Variants in HTR7 observed in about 807,000 individuals in gnomAD.
HTR7 encodes 5-HT-7.
A neutral mutation model predicts 34.0 loss-of-function variants in HTR7; 16 were observed. The observed-to-expected ratio is 0.47, with a 90% CI of 0.32 to 0.71. The LOEUF (loss-of-function observed/expected upper bound fraction) is 0.71, where lower values mean the gene tolerates loss of function less well. Among genes scored for constraint, HTR7 ranks in the 30% least tolerant of loss-of-function variants. HTR7 has a pLI of 0.04. For synonymous variants in HTR7, 265 were observed against 260.2 expected (o/e 1.02, Z -0.18); for missense variants, 504 against 625.5 (o/e 0.81, Z 2.07).
chr10:90,791,730 C>T (rs575842453), intron 1 of HTR7, among the ~76,000 whole-genome samples: 13 of 152,172 alleles, frequency 8.5e-5, no homozygotes, highest in African/African-American at 1.7e-4. Flanking sequence ...CACTTGGATA[C>T]GATTACAATT....
At chr10:90,756,232 T>C (rs1390854091) in intron 1 of HTR7, among the ~76,000 whole-genome samples, 3 of 152,224 alleles carry the variant, frequency 2.0e-5, no homozygotes, top group South Asian at 2.1e-4. Flanking sequence ...GGAGGAAAGC[T>C]TGGAGTTCTG....
At chr10:90,838,321 C>A (rs1246293997) in intron 1 of HTR7, among the ~76,000 whole-genome samples, 1 of 152,152 alleles carries the variant, frequency 6.6e-6, no homozygotes, top group African/African-American at 2.4e-5. Flanking sequence ...TCTCCCTCAG[C>A]GCCTACATCC....
Position 90,749,284 on chromosome 10 carries a change from C to G in HTR7, c.850G>C (p.Asp284His), listed in dbSNP as rs755512115. ...ATGCCATTCAGGGCGATGACGCTGT[C>G]TGGCTCCACTCGAGGGAAGCCAGGA... is the stretch of plus-strand genomic sequence containing the variant. The part of the protein sequence containing the change: ...KFPGFPRVEP[D>H]SVIALNGIVK... Residue 284 changes from aspartate to histidine, a missense_variant, in exon 2 of 4, where the codon GAC (aspartate) becomes CAC (histidine). Around this residue, in one of 4 missense-constraint regions of HTR7, gnomAD observed 57 missense variants for 47.5 expected, o/e 1.20. Coordinates refer to ENST00000336152, the MANE Select transcript of HTR7 (RefSeq NM_019859.4). The surrounding 1 kb of genome is among the most constrained non-coding windows in gnomAD (Gnocchi z 4.2). 1 of 1,614,140 alleles carries G rather than the reference C, an allele frequency of 6.2e-7. No homozygotes were observed. The highest frequency in any genetic ancestry group is 8.5e-7 in the Non-Finnish European group (1 of 1,180,006).
intron 1 of HTR7, among the ~76,000 whole-genome samples, chr10:90,826,503 G>A (rs1846076587): frequency 6.7e-6 from 1 of 148,536 alleles, no homozygotes; most frequent in Non-Finnish European, 1.5e-5. Flanking sequence ...TGAGTGGAAA[G>A]ACTAAAAGAT....
chr10:90,827,630 CAAAG>C (rs1486713915), intron 1 of HTR7, among the ~76,000 whole-genome samples: 2 of 151,994 alleles, frequency 1.3e-5, no homozygotes, highest in Admixed American at 1.3e-4. Context: ...TAAAAAGAGA[CAAAG>C]AAGGTCATTG....
At chr10:90,762,033 T>G (rs1844945926) in intron 1 of HTR7, among the ~76,000 whole-genome samples, 1 of 152,222 alleles carries the variant, frequency 6.6e-6, no homozygotes, top group Admixed American at 6.5e-5. Context: ...ACTCATCCCT[T>G]GACAGACACT....
chr10:90,770,192 G>C (rs976073910), intron 1 of HTR7, among the ~76,000 whole-genome samples: 1 of 152,192 alleles, frequency 6.6e-6, no homozygotes, highest in Non-Finnish European at 1.5e-5. Context: ...AGGCAGAGCT[G>C]GGCCCAGGAT....
At chr10:90,828,166 G>A (rs1409306718) in intron 1 of HTR7, among the ~76,000 whole-genome samples, 4 of 152,126 alleles carry the variant, frequency 2.6e-5, no homozygotes, top group Non-Finnish European at 4.4e-5. Flanking sequence ...CGAAACAAAT[G>A]ATAATGGAAA....
At chr10:90,758,011 C>A (rs1844862703) in intron 1 of HTR7, among the ~76,000 whole-genome samples, 1 of 152,064 alleles carries the variant, frequency 6.6e-6, no homozygotes, top group East Asian at 1.9e-4. Context: ...ATCATCAGGG[C>A]AGATCTAATG....
At chr10:90,780,717 G>GTCAC (rs1344776859) in intron 1 of HTR7, among the ~76,000 whole-genome samples, 3 of 152,000 alleles carry the variant, frequency 2.0e-5, no homozygotes, top group Non-Finnish European at 4.4e-5. Flanking sequence ...ACACACTCAG[G>GTCAC]ACAAAGGTCA....
chr10:90,812,002 C>T (rs1845818248), intron 1 of HTR7, among the ~76,000 whole-genome samples: 1 of 152,200 alleles, frequency 6.6e-6, no homozygotes, highest in African/African-American at 2.4e-5. Context: ...AGTCCTCTGT[C>T]TTCAGGAAAA....
chr10:90,781,101 C>T (rs1049863979), intron 1 of HTR7, among the ~76,000 whole-genome samples: 4 of 152,126 alleles, frequency 2.6e-5, no homozygotes, highest in African/African-American at 9.7e-5. Flanking sequence ...AAGTCCTCTC[C>T]CCCATTTCTA....
chr10:90,827,611 C>A (rs190384976), intron 1 of HTR7, among the ~76,000 whole-genome samples: 1 of 151,908 alleles, frequency 6.6e-6, no homozygotes, highest in African/African-American at 2.4e-5. Flanking sequence ...GAATTCAAGA[C>A]AAAAATCATA....
intron 1 of HTR7, among the ~76,000 whole-genome samples, chr10:90,750,613 G>A (rs563094375): frequency 6.6e-6 from 1 of 152,210 alleles, no homozygotes; most frequent in African/African-American, 2.4e-5. Flanking sequence ...GTGTATAAAA[G>A]ATACATTCTT....
At chr10:90,758,695 C>T (rs559658483) in intron 1 of HTR7, among the ~76,000 whole-genome samples, 8 of 151,546 alleles carry the variant, frequency 5.3e-5, no homozygotes, top group African/African-American at 1.7e-4. Context: ...TGGGAAAAAG[C>T]GATATAGAAT....
At chr10:90,826,987 G>T (rs956227398) in intron 1 of HTR7, among the ~76,000 whole-genome samples, 1 of 151,060 alleles carries the variant, frequency 6.6e-6, no homozygotes, top group South Asian at 2.1e-4. Flanking sequence ...ATAAAATACT[G>T]GGCTATAAAT....
At chr10:90,765,078 C>G (rs1241622148) in intron 1 of HTR7, among the ~76,000 whole-genome samples, 1 of 152,094 alleles carries the variant, frequency 6.6e-6, no homozygotes, top group African/African-American at 2.4e-5. Flanking sequence ...TCCTGTTCAA[C>G]TTTTTGGAAG....
intron 1 of HTR7, among the ~76,000 whole-genome samples, chr10:90,803,203 A>AT (rs2119931180): frequency 6.6e-6 from 1 of 152,172 alleles, no homozygotes; most frequent in African/African-American, 2.4e-5. Flanking sequence ...AAAAGGAAGT[A>AT]AAGTACACTT....
chr10:90,857,959 C>G lies in HTR7; in HGVS notation c.-288G>C, dbSNP rs1373497483. Reference sequence around the variant, plus strand: ...AGTCGAGGGAGCTCGGGCTGGGCTCCGCTGGCAGCTCCACAGTTCGCAGCA... The same window carrying G: ...AGTCGAGGGAGCTCGGGCTGGGCTCGGCTGGCAGCTCCACAGTTCGCAGCA... On this transcript the variant is annotated 5_prime_UTR_variant, in exon 1 of 4. Transcript: ENST00000336152. The surrounding 1 kb of genome is among the most constrained non-coding windows in gnomAD (Gnocchi z 6.5). Among the ~76,000 whole-genome samples the G allele has an allele frequency of 1.3e-5, 2 of 151,174 alleles. No individual in the cohort carries two copies. Among genetic ancestry groups the G allele is most frequent in the East Asian group, 3.9e-4 (2 of 5,170 alleles).
Sources: allele counts gnomAD v4.1 joint callset (sites outside exome capture counted in the v4.1 genomes callset), GRCh38; gene constraint gnomAD v4.1.1; regional missense constraint gnomAD v4.1.1; non-coding constraint Gnocchi (gnomAD v3.1); transcripts MANE v1.5; gene names NCBI Gene and HGNC (gene_info 2026-07-23, HGNC 2026-07-21).